The following TANC2 variants were observed in gnomAD, a reference collection of about 807,000 sequenced individuals.
TANC2 encodes the protein tetratricopeptide repeat, ankyrin repeat and coiled-coil containing 2, also known as protein TANC2.
Under a neutral mutation model 210.5 loss-of-function variants are expected in TANC2, and 26 were observed. The observed-to-expected ratio is 0.12, with a 90% confidence interval of 0.09 to 0.17. TANC2 has a LOEUF of 0.17. TANC2 is among the 10% of genes least tolerant of loss of function. TANC2 has a pLI of 1.00. For missense variants in TANC2, 2,129 were observed against 2,608.9 expected, an observed-to-expected ratio of 0.82 and a Z score of 4.01; for synonymous variants, 931 against 967.1, an observed-to-expected ratio of 0.96 and a Z score of 0.69.
chr17:63,328,339 A>G (rs2045720426), intron 11 of TANC2, among the ~76,000 whole-genome samples: 1 of 151,788 alleles, frequency 6.6e-6, no homozygotes, highest in African/African-American at 2.4e-5. Flanking sequence ...AGTTGGAAGA[A>G]AAACAGAATT....
intron 19 of TANC2, among the ~76,000 whole-genome samples, chr17:63,400,145 C>G (rs2048298061): frequency 6.6e-6 from 1 of 152,224 alleles, no homozygotes; most frequent in South Asian, 2.1e-4. Context: ...ATCAGCACAG[C>G]CTTCTCCAAC....
chr17:63,076,148 A>G (rs1017678853), intron 3 of TANC2, among the ~76,000 whole-genome samples: 7 of 152,136 alleles, frequency 4.6e-5, no homozygotes, highest in African/African-American at 1.4e-4. Flanking sequence ...GGTTTCTGGA[A>G]CTTCCTCCCC....
At position 63,194,958 on chromosome 17, in the gene TANC2, G is replaced by C. The variant is rs2041295949; in HGVS notation, c.582+819G>C. ...ATCTTCAGCGTGAATGTCTGATAGT[G>C]AAGCATTTTATTCAGGAGATGACAA... is the stretch of plus-strand genomic sequence containing the variant. On this transcript the variant is annotated intron_variant, in intron 6 of 27. Transcript: ENST00000689528. Among the ~76,000 whole-genome samples, 4 of 152,074 alleles carry C rather than the reference G, an allele frequency of 2.6e-5. No homozygotes were observed. The South Asian group carries it at 8.3e-4, about 32-fold the overall frequency.
intron 5 of TANC2, among the ~76,000 whole-genome samples, chr17:63,175,325 G>A (rs2040537910): frequency 1.3e-5 from 2 of 152,040 alleles, no homozygotes; most frequent in South Asian, 4.2e-4. Flanking sequence ...CTAGGAGTTT[G>A]TGACCAGCCC....
intron 11 of TANC2, among the ~76,000 whole-genome samples, chr17:63,329,238 C>T (rs1320920942): frequency 2.0e-5 from 3 of 151,124 alleles, no homozygotes; most frequent in African/African-American, 7.3e-5. Context: ...GCATATACTA[C>T]AGATAAAGAG....
At chr17:63,213,269 C>T (rs2041937963) in intron 7 of TANC2, among the ~76,000 whole-genome samples, 1 of 152,168 alleles carries the variant, frequency 6.6e-6, no homozygotes. Flanking sequence ...CCAACTGTGA[C>T]ATGGTACCTA....
chr17:63,039,856 C>T (rs938353020), intron 2 of TANC2, among the ~76,000 whole-genome samples: 2 of 151,966 alleles, frequency 1.3e-5, no homozygotes, highest in Admixed American at 1.3e-4. Context: ...TTACTAGATG[C>T]ATGCATGGTA....
intron 7 of TANC2, among the ~76,000 whole-genome samples, chr17:63,203,922 A>G (rs905469300): frequency 6.6e-6 from 1 of 152,196 alleles, no homozygotes; most frequent in African/African-American, 2.4e-5. Flanking sequence ...TTGAGAAGAC[A>G]AAGGAAAATG....
chr17:63,390,941 T>C (rs915005736), intron 17 of TANC2: 1 of 152,184 alleles, frequency 6.6e-6, no homozygotes, highest in African/African-American at 2.4e-5. Flanking sequence ...CCTTCATCAC[T>C]GTGATCGAGC....
rs912481564 is a variant in TANC2 at position 63,412,839 on chromosome 17, A to AT, written c.3928+138dup. On this transcript the variant is annotated intron_variant, in intron 24 of 27. Coordinates refer to ENST00000689528, the Ensembl canonical transcript of TANC2. The surrounding 1 kb of genome is among the most constrained non-coding windows in gnomAD (Gnocchi z 4.2). ...TTAATTTACTTCACCTTAAAAGAAG[A>AT]TTTTTTTTAATGACTGTTGTAGAGA... The AT allele has an allele frequency of 1.7e-4, 183 of 1,087,994 alleles. No homozygotes were observed. Among genetic ancestry groups the AT allele is most frequent in the Non-Finnish European group, 2.0e-4 (155 of 780,310 alleles). 67.4% of individuals were successfully genotyped at this position (1,087,994 alleles called of 1,614,324 possible).
At chr17:62,988,589 C>G (rs145279295) in intron 1 of TANC2, among the ~76,000 whole-genome samples, 6 of 152,118 alleles carry the variant, frequency 3.9e-5, no homozygotes, top group African/African-American at 1.4e-4. Context: ...AGTTTAAAAG[C>G]AGTCGATGTA....
At chr17:62,983,343 G>T (rs527523474) in intron 1 of TANC2, among the ~76,000 whole-genome samples, 18 of 151,870 alleles carry the variant, frequency 1.2e-4, no homozygotes, top group African/African-American at 3.9e-4. Flanking sequence ...TTTTGGTAGG[G>T]TCTTTAGGTT....
Position 63,407,082 on chromosome 17 carries a change from A to G in TANC2, c.3589+805A>G, listed in dbSNP as rs538132112. Reference sequence around the variant, plus strand: ...ACCAACCTCCTGAAGAATTATGCCTAGGCCAGAGCAGCTGAGGGTAGTTTA... The same window carrying G: ...ACCAACCTCCTGAAGAATTATGCCTGGGCCAGAGCAGCTGAGGGTAGTTTA... On this transcript the variant is annotated intron_variant, in intron 21 of 27. Coordinates refer to ENST00000689528, the Ensembl canonical transcript of TANC2. Among the ~76,000 whole-genome samples, 4 of 152,386 alleles carry G rather than the reference A, an allele frequency of 2.6e-5. No individual in the cohort carries two copies. The South Asian group carries it at 8.3e-4, about 32-fold the overall frequency.
At chr17:63,374,328 A>C (rs922459401) in intron 14 of TANC2, among the ~76,000 whole-genome samples, 1 of 152,108 alleles carries the variant, frequency 6.6e-6, no homozygotes, top group South Asian at 2.1e-4. Flanking sequence ...GTGAGCCATC[A>C]TGCCTGGGTA....
At chr17:63,080,662 G>T (rs1192182673) in intron 3 of TANC2, among the ~76,000 whole-genome samples, 4 of 152,144 alleles carry the variant, frequency 2.6e-5, no homozygotes, top group Admixed American at 2.0e-4. Context: ...GTAGAAATGA[G>T]ATGTTTATGC....
In TANC2 at chr17:62,993,755, C is replaced by T. The variant is rs966168663; in HGVS notation, c.-23-15782C>T. Among the ~76,000 whole-genome samples, 6 of 151,918 alleles carry T rather than the reference C, an allele frequency of 3.9e-5. No homozygotes were observed. In the South Asian group the frequency reaches 8.3e-4, roughly 21 times the overall value. On this transcript the variant is annotated intron_variant, in intron 1 of 27. Transcript: ENST00000689528. ...CAGCCTGGTCAACATAGCAAGACCCCGTCTCTGCAAAAGAAAAATAAAAAA... is the reference window on the plus strand; with the variant it reads ...CAGCCTGGTCAACATAGCAAGACCCTGTCTCTGCAAAAGAAAAATAAAAAA...
chr17:63,369,956 C>T (rs894834383), intron 14 of TANC2, among the ~76,000 whole-genome samples: 14 of 151,892 alleles, frequency 9.2e-5, no homozygotes, highest in African/African-American at 3.4e-4. Flanking sequence ...AAAAAAAGAC[C>T]AAGCGCTTTT....
intron 8 of TANC2, among the ~76,000 whole-genome samples, chr17:63,263,432 T>C (rs1449935478): frequency 6.6e-6 from 1 of 152,230 alleles, no homozygotes; most frequent in African/African-American, 2.4e-5. Flanking sequence ...TTCAGAGTTA[T>C]ATTATAAAAG....
chr17:63,377,365 C>G (rs924668787), intron 14 of TANC2, among the ~76,000 whole-genome samples: 3 of 152,114 alleles, frequency 2.0e-5, no homozygotes, highest in African/African-American at 7.2e-5. Flanking sequence ...GCTCTGTTAC[C>G]TCTTGAATGT....
Sources: gnomAD v4.1 joint callset for allele counts (sites outside exome capture counted in the v4.1 genomes callset) on GRCh38, gnomAD v4.1.1 for gene constraint, Gnocchi (gnomAD v3.1) non-coding constraint, MANE v1.5 for transcripts, NCBI Gene and HGNC (gene_info 2026-07-23, HGNC 2026-07-21) for gene names.